The following PPL variants were observed in gnomAD, a reference collection of about 807,000 sequenced individuals.
PPL encodes 190 kDa paraneoplastic pemphigus antigen.
A neutral mutation model predicts 194.4 loss-of-function variants in PPL; 198 were observed. The ratio of observed to expected loss-of-function variants is 1.02; its 90% CI spans 0.91 to 1.15. The LOEUF (loss-of-function observed/expected upper bound fraction) is 1.15. Ranked by LOEUF, PPL falls within the 50% of genes most tolerant of loss-of-function variation. PPL has a pLI of 0.00. For missense variants in PPL, 2,885 were observed against 2,294.8 expected, an observed-to-expected ratio of 1.26 and a Z score of -5.25; for synonymous variants, 1,220 against 972.4, an observed-to-expected ratio of 1.25 and a Z score of -4.74.
intron 6 of PPL, among the ~76,000 whole-genome samples, chr16:4,899,652 C>A (rs2088515360): frequency 6.6e-6 from 1 of 151,624 alleles, no homozygotes; most frequent in African/African-American, 2.4e-5. Context: ...GCTCCAGACA[C>A]TGGGGATACA....
chr16:4,907,862 G>C (rs184371666), intron 2 of PPL, among the ~76,000 whole-genome samples: 236 of 152,144 alleles, frequency 1.6e-3, no homozygotes, highest in African/African-American at 5.1e-3. Flanking sequence ...TTCAGTTGAA[G>C]TTAAAAAAAT....
intron 1 of PPL, among the ~76,000 whole-genome samples, chr16:4,918,031 G>A (rs964259650): frequency 6.6e-6 from 1 of 150,922 alleles, no homozygotes; most frequent in Non-Finnish European, 1.5e-5. Flanking sequence ...GGTGGTTCAG[G>A]CCTGTAATCC....
chr16:4,928,495 C>A (rs1191204192), intron 1 of PPL, among the ~76,000 whole-genome samples: 1 of 152,250 alleles, frequency 6.6e-6, no homozygotes, highest in Non-Finnish European at 1.5e-5. Context: ...GAGCTGCTGG[C>A]TGAGCCTGCA....
rs752196649 is a variant in PPL, at chr16:4,884,260, C to G, written c.4395G>C (p.Gln1465His). The change falls in exon 22 of 22, where the codon CAG becomes CAC. Residue 1465 changes from glutamine (Q) to histidine (H), a missense_variant. Transcript: ENST00000345988. The surrounding 1 kb of genome is among the most constrained non-coding windows in gnomAD (Gnocchi z 5.7). ...QAREHALLRL[Q>H]LEEEQHRRQL... ...GCCGCCGGTGCTGCTCTTCTTCCAG[C>G]TGGAGTCGGAGCAGGGCATGCTCTC... 1.1e-5 allele frequency: 18 copies of G among 1,613,086 alleles called. No individual in the cohort carries two copies. Among genetic ancestry groups the G allele is most frequent in the African/African-American group, 4.0e-5 (3 of 74,870 alleles).
intron 1 of PPL, among the ~76,000 whole-genome samples, chr16:4,920,572 A>G (rs936997669): frequency 1.3e-5 from 2 of 151,964 alleles, no homozygotes; most frequent in Non-Finnish European, 2.9e-5. Context: ...AAGTGATTCT[A>G]CTGCCTCAGC....
intron 1 of PPL, among the ~76,000 whole-genome samples, chr16:4,932,729 T>G (rs1486247834): frequency 1.3e-5 from 2 of 152,124 alleles, no homozygotes; most frequent in Non-Finnish European, 2.9e-5. Flanking sequence ...GTCATGACTC[T>G]TAATAGCAGT....
chr16:4,932,254 C>A (rs576743462), intron 1 of PPL, among the ~76,000 whole-genome samples: 40 of 107,928 alleles, frequency 3.7e-4, no homozygotes, highest in African/African-American at 8.5e-4. Context: ...ACAGTATGTG[C>A]CTGAGAAATG....
At chr16:4,933,804 G>A (rs1341191333) in intron 1 of PPL, among the ~76,000 whole-genome samples, 2 of 152,346 alleles carry the variant, frequency 1.3e-5, no homozygotes, top group East Asian at 1.9e-4. Context: ...CCCAGCAACA[G>A]TGCCTATGGA....
rs551537831 is a variant in PPL at position 4,902,893 on chromosome 16, T to C, written c.318-367A>G. On this transcript the variant is annotated intron_variant, in intron 3 of 21. Transcript: ENST00000345988. The surrounding 1 kb of genome is among the most constrained non-coding windows in gnomAD (Gnocchi z 4.0). ...CAGTAGAGACGGGGTTTCACCATGTTGGTCAGGCTGGTCTCGAACTCCTGA... is the reference window on the plus strand; with the variant it reads ...CAGTAGAGACGGGGTTTCACCATGTCGGTCAGGCTGGTCTCGAACTCCTGA... 6.6e-6 allele frequency among the ~76,000 whole-genome samples: 1 copy of C among 152,310 alleles called. No individual in the cohort carries two copies. Among genetic ancestry groups the C allele is most frequent in the Non-Finnish European group, 1.5e-5 (1 of 68,020 alleles).
At chr16:4,915,726 G>A (rs2088903853) in intron 1 of PPL, among the ~76,000 whole-genome samples, 1 of 152,156 alleles carries the variant, frequency 6.6e-6, no homozygotes, top group South Asian at 2.1e-4. Flanking sequence ...TACTCTCTAC[G>A]TGCCAGGCTC....
intron 14 of PPL, among the ~76,000 whole-genome samples, chr16:4,892,510 G>C (rs963055784): frequency 6.6e-6 from 1 of 152,138 alleles, no homozygotes; most frequent in South Asian, 2.1e-4. Context: ...TAATCTTTGC[G>C]GCAACCCCGG....
Position 4,937,008 on chromosome 16 carries a change from T to C in PPL, c.38A>G (p.Tyr13Cys). ...SLFRKRNKGK[Y>C]SPTVQTRSIS... ...CCTCCGGGTCTGCACAGTGGGGCTG[T>C]ATTTGCCTTTGTTTCTCTTCCTGAA... The change falls in exon 1 of 22, where the codon TAC becomes TGC. Residue 13 changes from tyrosine (Y) to cysteine (C), a missense_variant. Tyr to Cys is a radical substitution (Grantham distance 194, BLOSUM62 -2). Transcript: ENST00000345988. 6.5e-7 allele frequency: 1 copy of C among 1,540,152 alleles called. No homozygotes were observed. The highest frequency in any genetic ancestry group is 8.8e-7 in the Non-Finnish European group (1 of 1,142,508).
chr16:4,916,600 G>T (rs1199971975), intron 1 of PPL, among the ~76,000 whole-genome samples: 2 of 151,972 alleles, frequency 1.3e-5, no homozygotes, highest in African/African-American at 4.8e-5. Context: ...TGACCTCCCA[G>T]TCTCAAGCAA....
Position 4,885,934 on chromosome 16 carries a change from C to T in PPL, c.2721G>A (p.Arg907=). 4 of 1,612,978 alleles carry T rather than the reference C, an allele frequency of 2.5e-6. No homozygotes were observed. ...TGCTCTTGACCTCGTTCTCCAGCTG[C>T]CGCCTCCGCTCAGTCTCCTCATCCA... The part of the protein sequence containing the change: ...KELDEETERR[R]QLENEVKSTQ... The change falls in exon 22 of 22, where the codon CGG becomes CGA. Residue 907 remains arginine, a synonymous_variant. Coordinates refer to ENST00000345988, the MANE Select transcript of PPL (RefSeq NM_002705.5). This position sits in a 1 kb window ranked among gnomAD's most constrained non-coding sequence, Gnocchi z 6.3.
At chr16:4,929,798 C>A (rs958340408) in intron 1 of PPL, among the ~76,000 whole-genome samples, 5 of 152,098 alleles carry the variant, frequency 3.3e-5, no homozygotes, top group African/African-American at 1.2e-4. Context: ...GGATCCTCCC[C>A]TCTCAGCCTC....
chr16:4,887,227 C>CCTG lies in PPL; in HGVS notation c.2515-3_2515-1dup (p.Glu838_Glu839insGln), dbSNP rs1489388402. The CCTG allele has an allele frequency of 6.2e-7, 1 of 1,612,590 alleles. No individual in the cohort carries two copies. Among genetic ancestry groups the CCTG allele is most frequent in the Admixed American group, 1.7e-5 (1 of 60,012 alleles). ...GTGAACTTGGCGGCAAGTGCTGCTT[C>CCTG]CTGCAGAGAAGAGGATTAGGAGAGC... is the stretch of plus-strand genomic sequence containing the variant. On this transcript the variant is annotated inframe_insertion and splice_region_variant. Coordinates refer to ENST00000345988, the MANE Select transcript of PPL (RefSeq NM_002705.5).
At chr16:4,922,858 A>C (rs767881501) in intron 1 of PPL, among the ~76,000 whole-genome samples, 14 of 152,130 alleles carry the variant, frequency 9.2e-5, no homozygotes, top group Non-Finnish European at 1.6e-4. Flanking sequence ...CGTGGAATTC[A>C]CAACTAACCT....
At chr16:4,929,408 C>CGCTGTGCCCCCCGCCA (rs1285494765) in intron 1 of PPL, among the ~76,000 whole-genome samples, 1 of 152,112 alleles carries the variant, frequency 6.6e-6, no homozygotes, top group African/African-American at 2.4e-5. Flanking sequence ...GCTCTTCCCA[C>CGCTGTGCCCCCCGCCA]GCTGTGCCCC....
Position 4,884,317 on chromosome 16 carries a change from C to T in PPL, c.4338G>A (p.Lys1446=), listed in dbSNP as rs750534742. 2 of 1,612,830 alleles carry T rather than the reference C, an allele frequency of 1.2e-6. No individual in the cohort carries two copies. Among genetic ancestry groups the T allele is most frequent in the Non-Finnish European group, 8.5e-7 (1 of 1,179,720 alleles). The stretch of plus-strand genomic sequence containing the variant: ...GCTGCGGGTCCTGCTGCAGCACCAC[C>T]TTCTGCGTATGGGTTACCTTCTCAC... ...EAREKVTHTQ[K]VVLQQDPQQA... is the part of the protein sequence containing the mutation. The change falls in exon 22 of 22, where the codon AAG becomes AAA. Residue 1446 remains lysine (K), a synonymous_variant. Transcript: ENST00000345988. This position sits in a 1 kb window ranked among gnomAD's most constrained non-coding sequence, Gnocchi z 5.7.
Sources: gnomAD v4.1 joint callset for allele counts (sites outside exome capture counted in the v4.1 genomes callset) on GRCh38, gnomAD v4.1.1 for gene constraint, Gnocchi (gnomAD v3.1) non-coding constraint, MANE v1.5 for transcripts, NCBI Gene and HGNC (gene_info 2026-07-23, HGNC 2026-07-21) for gene names.